Variants in TNFSF8 observed in about 807,000 individuals in gnomAD.
TNFSF8 encodes the protein TNF superfamily member 8.
Under a neutral mutation model 22.0 loss-of-function variants are expected in TNFSF8, and 4 were observed. The observed-to-expected ratio is 0.18, with a 90% CI of 0.09 to 0.42. The LOEUF (loss-of-function observed/expected upper bound fraction) is 0.42. Among genes scored for constraint, TNFSF8 ranks in the 10% least tolerant of loss-of-function variants. The probability of loss-of-function intolerance (pLI) is 1.00; values close to 1 mark genes in which losing one functional copy is unlikely to be tolerated. For synonymous variants in TNFSF8, 106 were observed against 112.5 expected (o/e 0.94, Z 0.37); for missense variants, 233 against 281.8 (o/e 0.83, Z 1.24).
intron 1 of TNFSF8, among the ~76,000 whole-genome samples, chr9:114,922,871 G>A (rs1828006092): frequency 6.6e-6 from 1 of 152,030 alleles, no homozygotes; most frequent in African/African-American, 2.4e-5. Flanking sequence ...AGTAGGGAGG[G>A]GCCCTTAGGT....
At chr9:114,911,844 G>A (rs1383620257) in intron 2 of TNFSF8, among the ~76,000 whole-genome samples, 3 of 152,054 alleles carry the variant, frequency 2.0e-5, no homozygotes, top group African/African-American at 7.3e-5. Flanking sequence ...CATTTCCTTG[G>A]AATTCATTTA....
chr9:114,915,680 T>C (rs1041072885), intron 2 of TNFSF8, among the ~76,000 whole-genome samples: 1 of 152,180 alleles, frequency 6.6e-6, no homozygotes, highest in East Asian at 1.9e-4. Context: ...GGGAAGACTA[T>C]TCCCCATGTT....
At chr9:114,895,987 C>A (rs112982705) in intron 4 of TNFSF8, among the ~76,000 whole-genome samples, 11 of 152,202 alleles carry the variant, frequency 7.2e-5, no homozygotes, top group Non-Finnish European at 1.3e-4. Context: ...GTGATCATTA[C>A]AAATGAATAC....
At chr9:114,906,922 ATCT>A (rs972793338) in intron 2 of TNFSF8, among the ~76,000 whole-genome samples, 1 of 152,216 alleles carries the variant, frequency 6.6e-6, no homozygotes, top group African/African-American at 2.4e-5. Flanking sequence ...TGACATGGAC[ATCT>A]TCTCAAAGAT....
chr9:114,918,204 CT>C, intron 1 of TNFSF8, 66 bp from the exon 2 acceptor site: 2 of 1,438,026 alleles, frequency 1.4e-6, no homozygotes, highest in African/African-American at 1.5e-5. Flanking sequence ...TTTTTTTTTT[CT>C]TTTTCATTTT....
intron 1 of TNFSF8, among the ~76,000 whole-genome samples, chr9:114,926,323 G>A (rs527652202): frequency 6.6e-6 from 1 of 152,162 alleles, no homozygotes; most frequent in East Asian, 1.9e-4. Flanking sequence ...CCAGCTACTC[G>A]GGAGACTGAG....
intron 3 of TNFSF8, among the ~76,000 whole-genome samples, chr9:114,905,313 G>A (rs903160373): frequency 1.3e-5 from 2 of 152,154 alleles, no homozygotes; most frequent in Non-Finnish European, 2.9e-5. Flanking sequence ...CATTTGTAAG[G>A]GGCCTCTTAC....
chr9:114,900,035 A>C (rs1223292367), downstream of TNFSF8, among the ~76,000 whole-genome samples: 3 of 152,216 alleles, frequency 2.0e-5, no homozygotes, highest in African/African-American at 7.2e-5. Context: ...TGCATAGAAG[A>C]ATGGACAAAC....
At chr9:114,922,467 T>A (rs896459337) in intron 1 of TNFSF8, among the ~76,000 whole-genome samples, 1 of 152,194 alleles carries the variant, frequency 6.6e-6, no homozygotes, top group African/African-American at 2.4e-5. Flanking sequence ...CACTATTTCA[T>A]TTGGCCTTTA....
intron 4 of TNFSF8, chr9:114,894,167 G>C (rs1046423046): frequency 5.9e-6 from 9 of 1,533,594 alleles, no homozygotes; most frequent in Non-Finnish European, 7.9e-6. Context: ...ACAGTAATCT[G>C]GAAGAAAGAA....
chr9:114,907,894 A>T (rs1045007188), intron 2 of TNFSF8, among the ~76,000 whole-genome samples: 14 of 152,226 alleles, frequency 9.2e-5, no homozygotes, highest in African/African-American at 3.1e-4. Flanking sequence ...ACATTCACAC[A>T]GGTAGTCAGG....
In TNFSF8 at chr9:114,913,465, C is replaced by T. The variant is rs79503389; in HGVS notation, c.238+4631G>A. On this transcript the variant is annotated intron_variant, in intron 2 of 3. Transcript: ENST00000223795. The stretch of plus-strand genomic sequence containing the variant: ...AACCCATGCGTGTGGCCCTCTGTGA[C>T]CCTGAGCTTGGTAACAGAGAGTGCA... Among the ~76,000 whole-genome samples, 330 of 152,276 alleles carry T rather than the reference C, an allele frequency of 2.2e-3. 1 individual carries two copies. The highest frequency in any genetic ancestry group is 7.4e-3 in the African/African-American group (308 of 41,542).
chr9:114,925,020 T>C (rs907442420), intron 1 of TNFSF8, among the ~76,000 whole-genome samples: 3 of 152,176 alleles, frequency 2.0e-5, no homozygotes, highest in African/African-American at 7.2e-5. Context: ...AACTTCTTCT[T>C]GTGCCGAACT....
chr9:114,920,508 A>C (rs549566846), intron 1 of TNFSF8, among the ~76,000 whole-genome samples: 1 of 152,306 alleles, frequency 6.6e-6, no homozygotes, highest in South Asian at 2.1e-4. Context: ...AATATAAATA[A>C]ATGTGTAATT....
intron 2 of TNFSF8, among the ~76,000 whole-genome samples, chr9:114,912,351 A>G (rs1827862088): frequency 6.6e-6 from 1 of 152,216 alleles, no homozygotes; most frequent in Non-Finnish European, 1.5e-5. Flanking sequence ...TTGTGTCTAG[A>G]TAGTTTGAAT....
chr9:114,914,919 G>C (rs147604469), intron 2 of TNFSF8, among the ~76,000 whole-genome samples: 7 of 152,328 alleles, frequency 4.6e-5, no homozygotes, highest in Admixed American at 1.3e-4. Flanking sequence ...CTGTAGCGAA[G>C]TGTATCCTGT....
intron 2 of TNFSF8, among the ~76,000 whole-genome samples, chr9:114,916,485 T>C (rs1827920266): frequency 6.6e-6 from 1 of 152,154 alleles, no homozygotes; most frequent in Admixed American, 6.5e-5. Flanking sequence ...AAATCCCTTC[T>C]CCCTGTCAAA....
intron 2 of TNFSF8, among the ~76,000 whole-genome samples, chr9:114,914,324 T>C (rs1349460697): frequency 6.6e-6 from 1 of 152,246 alleles, no homozygotes; most frequent in East Asian, 1.9e-4. Context: ...TACCAGCTTC[T>C]CTGCATACCC....
downstream of TNFSF8, chr9:114,901,088 G>A (rs1027530708): frequency 3.0e-6 from 3 of 985,194 alleles, no homozygotes; most frequent in African/African-American, 3.5e-5. Flanking sequence ...GTAGGAGCAA[G>A]GGAAGGAGCT....
Sources: gnomAD v4.1 joint callset for allele counts (sites outside exome capture counted in the v4.1 genomes callset) on GRCh38, gnomAD v4.1.1 for gene constraint, MANE v1.5 for transcripts, NCBI Gene and HGNC (gene_info 2026-07-23, HGNC 2026-07-21) for gene names.